PRPF6: variants seen among roughly 807,000 people sequenced by gnomAD.
PRPF6 encodes the protein pre-mRNA-processing factor 6.
A neutral mutation model predicts 118.3 loss-of-function variants in PRPF6; 42 were observed. That is an observed-to-expected ratio of 0.35 (90% confidence interval 0.28 to 0.46). The LOEUF (loss-of-function observed/expected upper bound fraction) is 0.46. PRPF6 is among the 20% of genes least tolerant of loss of function. PRPF6 has a pLI of 1.00. For synonymous variants in PRPF6, 481 were observed against 485.1 expected (o/e 0.99, Z 0.11); for missense variants, 662 against 1,255.7 (o/e 0.53, Z 7.15).
At chr20:64,004,824 G>T (rs1026697266) in intron 9 of PRPF6, among the ~76,000 whole-genome samples, 1 of 152,238 alleles carries the variant, frequency 6.6e-6, no homozygotes, top group African/African-American at 2.4e-5. Flanking sequence ...CTCACATGCT[G>T]TGTACTCCGC....
chr20:64,007,947 T>C (rs1347200552), intron 9 of PRPF6, among the ~76,000 whole-genome samples: 1 of 152,160 alleles, frequency 6.6e-6, no homozygotes, highest in African/African-American at 2.4e-5. Context: ...TGGCTAATTT[T>C]TGTATTTTTA....
intron 2 of PRPF6, among the ~76,000 whole-genome samples, chr20:63,984,342 A>AC (rs1238525916): frequency 6.6e-6 from 1 of 151,690 alleles, no homozygotes; most frequent in African/African-American, 2.4e-5. Context: ...AATGCTGTGA[A>AC]CCCGGGAGGC....
chr20:63,993,238 G>GTA, intron 3 of PRPF6, among the ~76,000 whole-genome samples, 169 bp from the exon 4 acceptor site: 1 of 133,450 alleles, frequency 7.5e-6, no homozygotes. Context: ...GTGTGTGTGT[G>GTA]TGTGTGTGTG....
chr20:64,017,003 C>G (rs1381111865), intron 12 of PRPF6, among the ~76,000 whole-genome samples, 158 bp downstream of exon 12: 1 of 151,606 alleles, frequency 6.6e-6, no homozygotes, highest in Non-Finnish European at 1.5e-5. Flanking sequence ...AGTGCAGTGG[C>G]GCTATCTCAG....
chr20:64,025,050 G>T (rs2059282421), intron 14 of PRPF6, among the ~76,000 whole-genome samples: 1 of 152,122 alleles, frequency 6.6e-6, no homozygotes, highest in South Asian at 2.1e-4. Flanking sequence ...AGGGGGGTGT[G>T]TGTTTTTTTT....
rs577688360 is a variant in PRPF6, at chr20:64,028,602, G to C, written c.2431+33G>C. ...GGTGCCCCGACTCCGGTAAGGGGGT[G>C]CCCTGACTCCGGTAAGGGGGTGCCT... is the stretch of plus-strand genomic sequence containing the variant. On this transcript the variant is annotated intron_variant, in intron 18 of 20. Coordinates refer to ENST00000266079, the MANE Select transcript of PRPF6 (RefSeq NM_012469.4). This position sits in a 1 kb window ranked among gnomAD's most constrained non-coding sequence, Gnocchi z 6.5. The C allele has an allele frequency of 4.2e-5, 67 of 1,606,064 alleles. No homozygotes were observed. The Admixed American group carries it at 7.8e-4, about 19-fold the overall frequency.
Position 64,000,064 on chromosome 20 carries a change from G to A in PRPF6, c.1023+305G>A, listed in dbSNP as rs567454947. ...CCTGCCAGGTTCACACCATTGTCCT[G>A]TCTCAGCCTCCAGAGTAGCTGGCAC... On this transcript the variant is annotated intron_variant, in intron 8 of 20. Transcript: ENST00000266079. Among the ~76,000 whole-genome samples the A allele has an allele frequency of 3.3e-5, 5 of 151,590 alleles. No homozygotes were observed. In the East Asian group the frequency reaches 9.8e-4, roughly 30 times the overall value.
rs576302280 is a variant in PRPF6, at chr20:64,029,512, A to G, written c.2546+21A>G. On this transcript the variant is annotated intron_variant, in intron 19 of 20. Coordinates refer to ENST00000266079, the MANE Select transcript of PRPF6 (RefSeq NM_012469.4). The surrounding 1 kb of genome is among the most constrained non-coding windows in gnomAD (Gnocchi z 4.8). Reference sequence around the variant, plus strand: ...GCCAAGTGAGTGGGGCCCCCACAGGATTGCTGAACCTCGGGGTCCTAATGG... The same window carrying G: ...GCCAAGTGAGTGGGGCCCCCACAGGGTTGCTGAACCTCGGGGTCCTAATGG... The G allele has an allele frequency of 1.1e-5, 17 of 1,601,516 alleles. No homozygotes were observed. In the South Asian group the frequency reaches 1.8e-4, roughly 17 times the overall value.
At chr20:63,982,689 G>T (rs1179774422) in intron 1 of PRPF6, among the ~76,000 whole-genome samples, 1 of 152,132 alleles carries the variant, frequency 6.6e-6, no homozygotes, top group African/African-American at 2.4e-5. Flanking sequence ...TCATGGTCCC[G>T]TGGCATCTGG....
chr20:64,032,995 T>A lies in PRPF6; in HGVS notation c.*2T>A. On this transcript the variant is annotated 3_prime_UTR_variant, in exon 21 of 21. Transcript: ENST00000266079. ...GGCCGCATCAAGAACACCTTCTGAT[T>A]GAGCGGTTGCCATGGCCGGTCTCCG... 1 of 1,613,224 alleles carries A rather than the reference T, an allele frequency of 6.2e-7. No individual in the cohort carries two copies. Among genetic ancestry groups the A allele is most frequent in the Non-Finnish European group, 8.5e-7 (1 of 1,179,996 alleles).
intron 3 of PRPF6, among the ~76,000 whole-genome samples, 143 bp from the exon 4 acceptor site, chr20:63,993,248 GTGTGTGTGTGTGTGTA>G (rs1263986452): frequency 2.2e-5 from 3 of 138,512 alleles, no homozygotes; most frequent in Non-Finnish European, 3.1e-5. Context: ...GTGTGTGTGT[GTGTGTGTGTGTGTGTA>G]TATGTATATA....
In PRPF6 at chr20:64,027,577, G is replaced by A. The variant is rs1454632434; in HGVS notation, c.2206-26G>A. 1 of 1,613,940 alleles carries A rather than the reference G, an allele frequency of 6.2e-7. No individual in the cohort carries two copies. Among genetic ancestry groups the A allele is most frequent in the Non-Finnish European group, 8.5e-7 (1 of 1,180,030 alleles). On this transcript the variant is annotated intron_variant, in intron 16 of 20. Transcript: ENST00000266079. This position sits in a 1 kb window ranked among gnomAD's most constrained non-coding sequence, Gnocchi z 6.5. Reference sequence around the variant, plus strand: ...CCAGTTCTTCATAGACACCACCTGAGCTGCTCTCTTACTTGTTGGTTGCAG... The same window carrying A: ...CCAGTTCTTCATAGACACCACCTGAACTGCTCTCTTACTTGTTGGTTGCAG...
At chr20:64,018,430 C>T (rs2059248777) in intron 12 of PRPF6, among the ~76,000 whole-genome samples, 1 of 152,084 alleles carries the variant, frequency 6.6e-6, no homozygotes, top group African/African-American at 2.4e-5. Flanking sequence ...CTTGGTGCAT[C>T]ATACGGAGAG....
rs1249486746 is a variant in PRPF6, at chr20:63,984,980, A to G, written c.314A>G (p.Tyr105Cys). The G allele has an allele frequency of 1.2e-6, 2 of 1,613,822 alleles. No individual in the cohort carries two copies. The highest frequency in any genetic ancestry group is 1.1e-5 in the South Asian group (1 of 91,068). ...GATGATGAGGAAGCAGATGCTATCT[A>G]TGCAGCCCTGGATAAAAGGATGGAT... The part of the protein sequence containing the change: ...EKDDEEADAI[Y>C]AALDKRMDER... Residue 105 changes from tyrosine to cysteine, a missense_variant, in exon 3 of 21, where the codon TAT (tyrosine) becomes TGT (cysteine). Transcript: ENST00000266079.
chr20:64,010,716 G>T (rs1158601833), intron 10 of PRPF6, among the ~76,000 whole-genome samples: 2 of 152,208 alleles, frequency 1.3e-5, no homozygotes, highest in Non-Finnish European at 2.9e-5. Flanking sequence ...AGCTAAGTGG[G>T]ATTTCTTTGG....
At chr20:64,021,780 G>A (rs1027083209) in intron 12 of PRPF6, among the ~76,000 whole-genome samples, 2 of 150,006 alleles carry the variant, frequency 1.3e-5, no homozygotes, top group Non-Finnish European at 3.0e-5. Context: ...ACAGCCCTGT[G>A]TGTGTGCGTG....
At chr20:64,016,476 C>T (rs2059239029) in intron 11 of PRPF6, among the ~76,000 whole-genome samples, 1 of 152,172 alleles carries the variant, frequency 6.6e-6, no homozygotes, top group South Asian at 2.1e-4. Flanking sequence ...TTTCTTTTCA[C>T]ATGTTTGAAA....
rs540295882 is a variant in PRPF6 at position 64,028,417 on chromosome 20, G to A, written c.2340-61G>A. On this transcript the variant is annotated intron_variant, in intron 17 of 20. Transcript: ENST00000266079. This position sits in a 1 kb window ranked among gnomAD's most constrained non-coding sequence, Gnocchi z 6.5. ...CCCTTTCAGACAAGGCTTCCCAGAA[G>A]CTACCAGAATATGTGCTGTTGGTAG... 6.4e-6 allele frequency: 10 copies of A among 1,562,064 alleles called. No homozygotes were observed. The African/African-American group carries it at 9.5e-5, about 15-fold the overall frequency.
At chr20:64,031,441 G>T (rs890670821) in intron 19 of PRPF6, among the ~76,000 whole-genome samples, 1 of 152,176 alleles carries the variant, frequency 6.6e-6, no homozygotes, top group Non-Finnish European at 1.5e-5. Context: ...CTGGGAGGCT[G>T]AGGCAGGTGG....
Sources: allele counts gnomAD v4.1 joint callset (sites outside exome capture counted in the v4.1 genomes callset), GRCh38; gene constraint gnomAD v4.1.1; non-coding constraint Gnocchi (gnomAD v3.1); transcripts MANE v1.5; gene names NCBI Gene and HGNC (gene_info 2026-07-23, HGNC 2026-07-21).